Variants in ANKHD1 observed in about 807,000 individuals in gnomAD.
The protein encoded by ANKHD1 is ankyrin repeat and KH domain-containing protein 1.
In ANKHD1, 31 loss-of-function variants were observed where a neutral mutation model predicts 230.5. That is an observed-to-expected ratio of 0.13 (90% CI 0.10 to 0.18). The LOEUF (loss-of-function observed/expected upper bound fraction) is 0.18. ANKHD1 is among the 10% of genes least tolerant of loss of function. The probability of loss-of-function intolerance (pLI) is 1.00; values close to 1 mark genes in which losing one functional copy is unlikely to be tolerated. For synonymous variants in ANKHD1, 1,074 were observed against 1,117.6 expected, an observed-to-expected ratio of 0.96 and a Z score of 0.78; for missense variants, 2,256 against 3,071.3, an observed-to-expected ratio of 0.73 and a Z score of 6.27.
chr5:140,419,228 T>G (rs1274489329), intron 1 of ANKHD1, among the ~76,000 whole-genome samples: 1 of 152,018 alleles, frequency 6.6e-6, no homozygotes, highest in Non-Finnish European at 1.5e-5. Context: ...ATTAATGATG[T>G]TGAGCATCTT....
At chr5:140,495,149 T>C (rs1004014611) in intron 14 of ANKHD1, among the ~76,000 whole-genome samples, 1 of 152,208 alleles carries the variant, frequency 6.6e-6, no homozygotes, top group Non-Finnish European at 1.5e-5. Flanking sequence ...TGTGTGGTCT[T>C]TTGTGTCTAG....
intron 1 of ANKHD1, among the ~76,000 whole-genome samples, chr5:140,420,926 C>G (rs1246983167): frequency 1.3e-5 from 2 of 152,170 alleles, no homozygotes; most frequent in South Asian, 4.1e-4. Flanking sequence ...ATTCAACCCC[C>G]TCCTTCCCAC....
At chr5:140,440,898 T>A (rs1200086830) in intron 4 of ANKHD1, 97 bp from the exon 5 acceptor site, 2 of 1,336,044 alleles carry the variant, frequency 1.5e-6, no homozygotes, top group Admixed American at 6.7e-5. Context: ...CCCACCCCTA[T>A]TCTAGAAGAA....
intron 9 of ANKHD1, among the ~76,000 whole-genome samples, chr5:140,464,128 C>T (rs998232474): frequency 2.0e-5 from 3 of 151,664 alleles, no homozygotes; most frequent in Non-Finnish European, 4.4e-5. Context: ...ACCACCTACT[C>T]GAGAGGCTGG....
chr5:140,442,030 ATTC>A (rs1773889686), intron 5 of ANKHD1, among the ~76,000 whole-genome samples: 1 of 134,568 alleles, frequency 7.4e-6, no homozygotes, highest in Non-Finnish European at 1.6e-5. Flanking sequence ...CTAATAAGAT[ATTC>A]TTTTTTTTTT....
At chr5:140,413,897 C>T (rs2126854250) in intron 1 of ANKHD1, among the ~76,000 whole-genome samples, 1 of 152,260 alleles carries the variant, frequency 6.6e-6, no homozygotes, top group African/African-American at 2.4e-5. Flanking sequence ...TCTCCTGCTT[C>T]AGCCTCCCGA....
intron 1 of ANKHD1, among the ~76,000 whole-genome samples, chr5:140,403,115 G>T (rs555299640): frequency 6.6e-6 from 1 of 151,588 alleles, no homozygotes; most frequent in East Asian, 2.0e-4. Context: ...GATTACAGGC[G>T]TGCGCCACCA....
rs1427247345 is a variant in ANKHD1 at position 140,529,428 on chromosome 5, T to C, written c.6482T>C (p.Val2161Ala). ...TIHQDPQSIF[V>A]TNPVTLTPPQ... ...CACCAGGATCCCCAGTCTATTTTTGTTACGAATCCAGTTACTTTAACACCA... is the reference window on the plus strand; with the variant it reads ...CACCAGGATCCCCAGTCTATTTTTGCTACGAATCCAGTTACTTTAACACCA... The change falls in exon 29 of 34, where the codon GTT becomes GCT. Residue 2161 changes from valine (V) to alanine (A), a missense_variant. Val to Ala is a moderately conservative substitution (Grantham distance 64). This residue lies in a region of ANKHD1 where 778 missense variants were observed against 966.5 expected (regional missense o/e 0.80). Transcript: ENST00000360839. 6.2e-7 allele frequency: 1 copy of C among 1,614,218 alleles called. No homozygotes were observed. The highest frequency in any genetic ancestry group is 1.1e-5 in the South Asian group (1 of 91,090).
chr5:140,477,851 C>T (rs911011396), intron 10 of ANKHD1, among the ~76,000 whole-genome samples: 1 of 152,096 alleles, frequency 6.6e-6, no homozygotes, highest in African/African-American at 2.4e-5. Context: ...ACCTTGTGAT[C>T]CACCCGCCTC....
chr5:140,405,286 T>G (rs1212873410), intron 1 of ANKHD1, among the ~76,000 whole-genome samples: 1 of 152,148 alleles, frequency 6.6e-6, no homozygotes, highest in Non-Finnish European at 1.5e-5. Flanking sequence ...AAGATGATGC[T>G]TAGTGGGTGT....
chr5:140,508,489 C>T (rs1168795508), intron 20 of ANKHD1, among the ~76,000 whole-genome samples: 2 of 152,096 alleles, frequency 1.3e-5, no homozygotes, highest in African/African-American at 2.4e-5. Flanking sequence ...CGCGGTGGCT[C>T]ACTCCTGTAA....
intron 14 of ANKHD1, among the ~76,000 whole-genome samples, chr5:140,495,131 T>A (rs1751968682): frequency 6.6e-6 from 1 of 152,202 alleles, no homozygotes; most frequent in South Asian, 2.1e-4. Context: ...ATGAGTGGAA[T>A]TACACAATGT....
At position 140,402,248 on chromosome 5, in the gene ANKHD1, G is replaced by C; in HGVS notation, c.281G>C (p.Gly94Ala). 2.7e-6 allele frequency: 4 copies of C among 1,504,654 alleles called. No homozygotes were observed. The highest frequency in any genetic ancestry group is 3.5e-6 in the Non-Finnish European group (4 of 1,132,854). The allele number at this position is 1,504,654 out of a possible 1,614,324, so 93.2% of individuals were successfully genotyped here. ...ACCGGGGGTGGAGGTGGTGCCTCTG[G>C]CAGTGACGAGGACGAAGTGTCCGAG... ...LRTGGGGGASGSDEDEVSEVE... is the reference protein window; with the variant it reads ...LRTGGGGGASASDEDEVSEVE... Residue 94 changes from glycine (G) to alanine (A), a missense_variant, in exon 1 of 34, where the codon GGC becomes GCC. This residue lies in a region of ANKHD1 where 193 missense variants were observed against 185.8 expected (regional missense o/e 1.04). Coordinates refer to ENST00000360839, the MANE Select transcript of ANKHD1 (RefSeq NM_017747.3).
chr5:140,417,512 G>A (rs1324860868), intron 1 of ANKHD1, among the ~76,000 whole-genome samples: 3 of 151,582 alleles, frequency 2.0e-5, no homozygotes, highest in African/African-American at 4.8e-5. Context: ...GTAGTGGCAC[G>A]ATCTTGGCTT....
At position 140,467,440 on chromosome 5, in the gene ANKHD1, G is replaced by A. The variant is rs201529521; in HGVS notation, c.1782+2664G>A. Among the ~76,000 whole-genome samples the A allele has an allele frequency of 5.9e-5, 9 of 152,138 alleles. No homozygotes were observed. In the East Asian group the frequency reaches 1.2e-3, roughly 20 times the overall value. On this transcript the variant is annotated intron_variant, in intron 10 of 33. Coordinates refer to ENST00000360839, the MANE Select transcript of ANKHD1 (RefSeq NM_017747.3). ...AGCAATACTGTTCTTCATATAAAAT[G>A]TGGAAATGCTGGGCTTGTAGTCCTA...
intron 1 of ANKHD1, 113 bp downstream of exon 1, chr5:140,402,386 C>T: frequency 7.5e-7 from 1 of 1,338,434 alleles, no homozygotes; most frequent in Non-Finnish European, 9.6e-7. Flanking sequence ...TCTGTGACAG[C>T]GGTCGGCTCC....
At chr5:140,512,660 C>T (rs1462711206) in intron 22 of ANKHD1, among the ~76,000 whole-genome samples, 168 bp from the exon 23 acceptor site, 1 of 152,030 alleles carries the variant, frequency 6.6e-6, no homozygotes, top group Admixed American at 6.6e-5. Context: ...TAATTTTAAG[C>T]TTAATATTCT....
chr5:140,518,331 G>A (rs199603784), intron 24 of ANKHD1, among the ~76,000 whole-genome samples: 29 of 150,802 alleles, frequency 1.9e-4, no homozygotes, highest in South Asian at 4.2e-4. Context: ...AAGACCAGAT[G>A]GATTCACAGC....
chr5:140,512,243 A>G (rs994080803), intron 22 of ANKHD1, among the ~76,000 whole-genome samples: 1 of 152,004 alleles, frequency 6.6e-6, no homozygotes, highest in African/African-American at 2.4e-5. Flanking sequence ...ATCTCAAAAA[A>G]AAAAAAAAAA....
Sources: allele counts gnomAD v4.1 joint callset (sites outside exome capture counted in the v4.1 genomes callset), GRCh38; gene constraint gnomAD v4.1.1; regional missense constraint gnomAD v4.1.1; transcripts MANE v1.5; gene names NCBI Gene and HGNC (gene_info 2026-07-23, HGNC 2026-07-21).